Variants in TRANK1 observed in about 807,000 individuals in gnomAD.
The protein encoded by TRANK1 is tetratricopeptide repeat and ankyrin repeat containing 1.
Under a neutral mutation model 266.0 loss-of-function variants are expected in TRANK1, and 198 were observed. The ratio of observed to expected loss-of-function variants is 0.74; its 90% CI spans 0.66 to 0.84. TRANK1 has a LOEUF of 0.84. Ranked by LOEUF, TRANK1 falls within the 40% of genes least tolerant of loss-of-function variation. TRANK1 has a pLI of 0.00. For missense variants in TRANK1, 3,326 were observed against 3,634.6 expected, an observed-to-expected ratio of 0.92 and a Z score of 2.18; for synonymous variants, 1,396 against 1,384.1, an observed-to-expected ratio of 1.01 and a Z score of -0.19.
rs1461492423 is a variant in TRANK1, at chr3:36,827,121, T to C, written c.*1154A>G. On this transcript the variant is annotated 3_prime_UTR_variant, in exon 24 of 24. Coordinates refer to ENST00000645898, the MANE Select transcript of TRANK1 (RefSeq NM_001329998.2). The stretch of plus-strand genomic sequence containing the variant: ...TTCCATACCAGGCTGAGCTGAGGGG[T>C]GGGGTAAGGGTGGGCAGTAACCATC... 1 of 133,476 alleles carries C rather than the reference T, an allele frequency of 7.5e-6. No homozygotes were observed. 8.3% of individuals were successfully genotyped at this position (133,476 alleles called of 1,614,324 possible).
chr3:36,875,833 TC>T (rs2079380680), intron 8 of TRANK1, among the ~76,000 whole-genome samples: 1 of 152,208 alleles, frequency 6.6e-6, no homozygotes, highest in South Asian at 2.1e-4. Flanking sequence ...TTTGATAAGC[TC>T]CATATTGATA....
chr3:36,880,990 C>A (rs2079523919), intron 8 of TRANK1, among the ~76,000 whole-genome samples: 1 of 149,682 alleles, frequency 6.7e-6, no homozygotes, highest in Non-Finnish European at 1.5e-5. Context: ...TGCCTCTCAG[C>A]TGTTCTGGGT....
chr3:36,876,528 A>C (rs1559446185), intron 8 of TRANK1, among the ~76,000 whole-genome samples: 1 of 152,240 alleles, frequency 6.6e-6, no homozygotes, highest in East Asian at 1.9e-4. Flanking sequence ...GGCAGAAAGT[A>C]AGCCTGAAGG....
intron 8 of TRANK1, among the ~76,000 whole-genome samples, chr3:36,885,654 C>A (rs1388787177): frequency 6.6e-6 from 1 of 152,212 alleles, no homozygotes; most frequent in Non-Finnish European, 1.5e-5. Context: ...CCCATCTCAG[C>A]CTCCTGAGTA....
chr3:36,918,704 A>G (rs181970619), intron 1 of TRANK1, among the ~76,000 whole-genome samples: 13 of 152,142 alleles, frequency 8.5e-5, no homozygotes, highest in Admixed American at 5.9e-4. Flanking sequence ...ATGTAAACAA[A>G]TATGTTCTGG....
chr3:36,909,969 G>A (rs143427543), intron 1 of TRANK1, among the ~76,000 whole-genome samples: 9 of 152,196 alleles, frequency 5.9e-5, no homozygotes, highest in Admixed American at 2.6e-4. Context: ...AAATATTGTC[G>A]GCCATTTGTC....
Position 36,886,408 on chromosome 3 carries a change from G to A in TRANK1, c.907+3421C>T, listed in dbSNP as rs181648989. Among the ~76,000 whole-genome samples the A allele has an allele frequency of 2.4e-3, 363 of 152,016 alleles. 1 individual carries two copies. Among genetic ancestry groups the A allele is most frequent in the African/African-American group, 8.4e-3 (349 of 41,504 alleles). On this transcript the variant is annotated intron_variant, in intron 8 of 23. Coordinates refer to ENST00000645898, the MANE Select transcript of TRANK1 (RefSeq NM_001329998.2). ...TTACAGGCATGAGCCACCACACCCA[G>A]CCAGCCCTCTCTTTACGTTTTATCC...
Position 36,833,889 on chromosome 3 carries a change from A to T in TRANK1, c.5694T>A (p.Leu1898=). ...CAGAATAGGAGAGCTTGGAAATGGG[A>T]AGGGTCTTAGTCTTTAGCATTTCTT... ...KYEEMLKTKT[L]PISKLSYSAS... Residue 1898 remains leucine, a synonymous_variant, in exon 22 of 24, where the codon CTT becomes CTA. Transcript: ENST00000645898. 6.2e-7 allele frequency: 1 copy of T among 1,613,142 alleles called. No homozygotes were observed.
rs9681222 is a variant in TRANK1 at position 36,892,863 on chromosome 3, A to C, written c.636+38T>G. 8.8e-3 allele frequency: 5,360 copies of C among 606,392 alleles called. 128 individuals carry two copies. The highest frequency in any genetic ancestry group is 0.067 in the African/African-American group (3,093 of 46,258). The allele number at this position is 606,392 out of a possible 1,614,324, so 37.6% of individuals were successfully genotyped here. ...AAAACAAAACAAAACATATATATAT[A>C]TATATATAGATATATATAGATATAT... On this transcript the variant is annotated intron_variant, in intron 6 of 23. Coordinates refer to ENST00000645898, the MANE Select transcript of TRANK1 (RefSeq NM_001329998.2).
chr3:36,860,172 G>T (rs1389728430), intron 11 of TRANK1, among the ~76,000 whole-genome samples: 1 of 152,146 alleles, frequency 6.6e-6, no homozygotes, highest in Non-Finnish European at 1.5e-5. Context: ...CTAAAAGCCT[G>T]CACACATTAA....
intron 20 of TRANK1, among the ~76,000 whole-genome samples, 197 bp downstream of exon 20, chr3:36,838,175 A>T (rs895153929): frequency 6.6e-6 from 1 of 152,204 alleles, no homozygotes; most frequent in Non-Finnish European, 1.5e-5. Context: ...ACACACGCAC[A>T]TGCATACTGT....
intron 8 of TRANK1, among the ~76,000 whole-genome samples, chr3:36,884,045 T>C (rs923301250): frequency 2.0e-5 from 3 of 152,194 alleles, no homozygotes; most frequent in East Asian, 1.9e-4. Flanking sequence ...TTACCTAGTC[T>C]GAAATTCATA....
chr3:36,908,136 A>G (rs978872460), intron 2 of TRANK1, among the ~76,000 whole-genome samples, 187 bp downstream of exon 2: 2 of 152,216 alleles, frequency 1.3e-5, no homozygotes, highest in African/African-American at 4.8e-5. Flanking sequence ...TCTATGTTTC[A>G]CTTTCTATTT....
At chr3:36,865,137 C>T (rs1217905645) in intron 9 of TRANK1, among the ~76,000 whole-genome samples, 2 of 147,126 alleles carry the variant, frequency 1.4e-5, no homozygotes, top group Non-Finnish European at 3.0e-5. Flanking sequence ...AAGCAATTCT[C>T]CTGCCTCTGC....
At chr3:36,936,203 G>A (rs950098312) in intron 1 of TRANK1, among the ~76,000 whole-genome samples, 1 of 152,162 alleles carries the variant, frequency 6.6e-6, no homozygotes, top group Admixed American at 6.5e-5. Context: ...AAAAGAAAAG[G>A]GATAGGTGTG....
rs1194611892 is a variant in TRANK1 at position 36,945,004 on chromosome 3, G to C, written c.-195C>G. 4 of 492,156 alleles carry C rather than the reference G, an allele frequency of 8.1e-6. No homozygotes were observed. The highest frequency in any genetic ancestry group is 1.4e-5 in the Non-Finnish European group (4 of 288,332). 30.5% of individuals were successfully genotyped at this position (492,156 alleles called of 1,614,324 possible). A position where few individuals can be genotyped will look rare whatever the true frequency, so the allele number is the denominator to read the frequency against. On this transcript the variant is annotated 5_prime_UTR_variant, in exon 1 of 24. Transcript: ENST00000645898. ...ACCCAGCCGCGATCAGAGGGGGCGG[G>C]GGACGCAGGAACCCCGGCGTCCGGG...
chr3:36,877,398 A>G (rs1220407545), intron 8 of TRANK1, among the ~76,000 whole-genome samples: 2 of 152,180 alleles, frequency 1.3e-5, no homozygotes, highest in African/African-American at 4.8e-5. Flanking sequence ...AAATAAAATT[A>G]AAATGTATCC....
chr3:36,895,565 C>T, intron 5 of TRANK1, 75 bp downstream of exon 5: 1 of 845,056 alleles, frequency 1.2e-6, no homozygotes, highest in South Asian at 2.6e-5. Context: ...AAATTACAAT[C>T]CCTCAATGCC....
intron 9 of TRANK1, among the ~76,000 whole-genome samples, chr3:36,870,420 A>AG (rs991599908): frequency 5.8e-4 from 85 of 145,362 alleles, no homozygotes; most frequent in South Asian, 2.4e-3. Flanking sequence ...AAAAAAAAAA[A>AG]AGAGAGAGAG....
Sources: gnomAD v4.1 joint callset for allele counts (sites outside exome capture counted in the v4.1 genomes callset) on GRCh38, gnomAD v4.1.1 for gene constraint, MANE v1.5 for transcripts, NCBI Gene and HGNC (gene_info 2026-07-23, HGNC 2026-07-21) for gene names.